The following CDYL2 variants were observed in gnomAD, a reference collection of about 807,000 sequenced individuals.
CDYL2 encodes the protein chromodomain Y like 2.
In CDYL2, 23 loss-of-function variants were observed where a neutral mutation model predicts 49.4. The ratio of observed to expected loss-of-function variants is 0.47; its 90% CI spans 0.34 to 0.66. The LOEUF is 0.66. Ranked by LOEUF, CDYL2 falls within the 30% of genes least tolerant of loss-of-function variation. CDYL2 has a pLI of 0.01. For synonymous variants in CDYL2, 360 were observed against 268.8 expected, an observed-to-expected ratio of 1.34 and a Z score of -3.32; for missense variants, 678 against 656.4, an observed-to-expected ratio of 1.03 and a Z score of -0.36.
chr16:80,712,154 CAT>C lies in CDYL2; in HGVS notation c.25-27027_25-27026del, dbSNP rs544813724. On this transcript the variant is annotated intron_variant, in intron 1 of 6. Coordinates refer to ENST00000570137, the MANE Select transcript of CDYL2 (RefSeq NM_152342.4). ...ATGTGTGTACATATATGTGTATATA[CAT>C]GTGTGTATATATATGTGTCTTTGTG... Among the ~76,000 whole-genome samples the C allele has an allele frequency of 7.5e-3, 712 of 95,508 alleles. 6 individuals are homozygous for C. Among genetic ancestry groups the C allele is most frequent in the African/African-American group, 0.022 (638 of 28,510 alleles). The allele number at this position is 95,508 out of a possible 152,430, so 62.7% of individuals were successfully genotyped here.
intron 1 of CDYL2, among the ~76,000 whole-genome samples, chr16:80,800,821 G>C (rs1442166902): frequency 6.6e-6 from 1 of 152,174 alleles, no homozygotes; most frequent in Non-Finnish European, 1.5e-5. Context: ...AGAGAGACAA[G>C]AAAACTGAGA....
intron 1 of CDYL2, among the ~76,000 whole-genome samples, chr16:80,703,703 T>A (rs1223480769): frequency 6.6e-6 from 1 of 152,102 alleles, no homozygotes; most frequent in African/African-American, 2.4e-5. Context: ...CACCTGGTGG[T>A]CAGGGGCTTC....
chr16:80,727,527 G>T lies in CDYL2; in HGVS notation c.25-42398C>A, dbSNP rs7191319. On this transcript the variant is annotated intron_variant, in intron 1 of 6. Coordinates refer to ENST00000570137, the MANE Select transcript of CDYL2 (RefSeq NM_152342.4). ...GTGGAAGCGAGGCTCGGGGAGGGGC[G>T]CCTGCCATTGCCCAGGCTTGCTTAG... Among the ~76,000 whole-genome samples, 1,488 of 152,300 alleles carry T rather than the reference G, an allele frequency of 9.8e-3. 32 individuals are homozygous for T. Among genetic ancestry groups the T allele is most frequent in the African/African-American group, 0.034 (1,395 of 41,568 alleles).
At chr16:80,675,056 G>A (rs568840531) in intron 2 of CDYL2, among the ~76,000 whole-genome samples, 22 of 152,356 alleles carry the variant, frequency 1.4e-4, no homozygotes, top group African/African-American at 4.8e-4. Flanking sequence ...ACCAGGACCA[G>A]AGGTTCCACC....
At chr16:80,646,892 G>GAA (rs58154796) in intron 2 of CDYL2, among the ~76,000 whole-genome samples, 52 of 143,670 alleles carry the variant, frequency 3.6e-4, no homozygotes, top group South Asian at 2.6e-3. Context: ...CAAATAGACT[G>GAA]AAAAAAAAAA....
intron 1 of CDYL2, among the ~76,000 whole-genome samples, chr16:80,712,215 A>ATATATATATATATATATATCTCTC (rs763194077): frequency 6.2e-5 from 8 of 128,358 alleles, no homozygotes; most frequent in Non-Finnish European, 5.3e-5. Flanking sequence ...ATATATATAT[A>ATATATATATATATATATATCTCTC]TCTCCAAACC....
intron 3 of CDYL2, among the ~76,000 whole-genome samples, chr16:80,627,048 T>C (rs569373561): frequency 2.2e-4 from 34 of 152,298 alleles, no homozygotes; most frequent in African/African-American, 8.2e-4. Flanking sequence ...TTTTTTTTAA[T>C]GGATAGGATT....
intron 2 of CDYL2, among the ~76,000 whole-genome samples, chr16:80,648,857 A>G (rs958023215): frequency 5.3e-5 from 8 of 152,164 alleles, no homozygotes; most frequent in East Asian, 1.9e-4. Flanking sequence ...AAATCAGTCA[A>G]TGCAATACAT....
At chr16:80,666,084 C>G (rs567608292) in intron 2 of CDYL2, among the ~76,000 whole-genome samples, 9 of 152,110 alleles carry the variant, frequency 5.9e-5, no homozygotes, top group Non-Finnish European at 1.2e-4. Context: ...GCGCCAGGAC[C>G]CACTGCTTCA....
At chr16:80,679,628 CT>C in intron 2 of CDYL2, 1 of 452,268 alleles carries the variant, frequency 2.2e-6, no homozygotes. Flanking sequence ...TACTCTAAAA[CT>C]TTCAACCTTA....
At chr16:80,632,843 CA>C in intron 3 of CDYL2, 175 bp downstream of exon 3, 1 of 604,948 alleles carries the variant, frequency 1.7e-6, no homozygotes, top group Non-Finnish European at 2.9e-6. Flanking sequence ...TCATAAAGAT[CA>C]AATGGGATAA....
intron 2 of CDYL2, among the ~76,000 whole-genome samples, chr16:80,660,089 G>C (rs141313459): frequency 4.7e-4 from 72 of 152,010 alleles, no homozygotes; most frequent in African/African-American, 1.7e-3. Context: ...TTTATACCCA[G>C]CTAAAGCAGC....
At chr16:80,726,686 G>A (rs917516191) in intron 1 of CDYL2, among the ~76,000 whole-genome samples, 4 of 152,148 alleles carry the variant, frequency 2.6e-5, no homozygotes, top group Admixed American at 6.5e-5. Context: ...TTAGAAAAAT[G>A]TTTGACTCTA....
chr16:80,611,688 C>G (rs116013561), intron 5 of CDYL2, among the ~76,000 whole-genome samples: 2,578 of 152,328 alleles, frequency 0.017, 70 homozygotes, highest in African/African-American at 0.059. Flanking sequence ...TTAGACAACT[C>G]ACTAAACCTC....
chr16:80,679,118 G>A (rs1468776081), intron 2 of CDYL2, among the ~76,000 whole-genome samples: 1 of 111,866 alleles, frequency 8.9e-6, no homozygotes. Context: ...GTTGTGGGGT[G>A]GGGGGAGGGG....
intron 1 of CDYL2, among the ~76,000 whole-genome samples, chr16:80,733,921 G>T (rs1905422295): frequency 6.6e-6 from 1 of 152,246 alleles, no homozygotes; most frequent in Admixed American, 6.5e-5. Context: ...ACTCTGCAAT[G>T]ACTCCCCAAC....
chr16:80,750,860 A>T (rs1412081025), intron 1 of CDYL2, among the ~76,000 whole-genome samples: 4 of 152,150 alleles, frequency 2.6e-5, no homozygotes, highest in South Asian at 2.1e-4. Flanking sequence ...CTACTAAAAA[A>T]ATACAAAAAA....
intron 1 of CDYL2, among the ~76,000 whole-genome samples, chr16:80,797,433 A>G (rs1373422764): frequency 6.6e-6 from 1 of 152,204 alleles, no homozygotes; most frequent in Non-Finnish European, 1.5e-5. Context: ...TGCAGCTGAA[A>G]ATTACACTTT....
intron 1 of CDYL2, among the ~76,000 whole-genome samples, chr16:80,787,392 C>T (rs1231241704): frequency 6.6e-6 from 1 of 152,130 alleles, no homozygotes; most frequent in Non-Finnish European, 1.5e-5. Flanking sequence ...AAGAGACTGC[C>T]CTTCAAAGCA....
Sources: allele counts gnomAD v4.1 joint callset (sites outside exome capture counted in the v4.1 genomes callset), GRCh38; gene constraint gnomAD v4.1.1; transcripts MANE v1.5; gene names NCBI Gene and HGNC (gene_info 2026-07-23, HGNC 2026-07-21).